Variants in GLIS3 observed in about 807,000 individuals in gnomAD.
The protein encoded by GLIS3 is GLIS family zinc finger 3, also known as zinc finger protein GLIS3.
Under a neutral mutation model 78.6 loss-of-function variants are expected in GLIS3, and 53 were observed. That is an observed-to-expected ratio of 0.67 (90% CI 0.54 to 0.85). GLIS3 has a LOEUF of 0.85. GLIS3 is among the 40% of genes least tolerant of loss of function. The pLI is 0.00. For missense variants in GLIS3, 1,703 were observed against 1,231.1 expected, an observed-to-expected ratio of 1.38 and a Z score of -5.74; for synonymous variants, 684 against 509.9, an observed-to-expected ratio of 1.34 and a Z score of -4.60.
At chr9:4,219,658 C>T (rs778769965) in intron 2 of GLIS3, among the ~76,000 whole-genome samples, 4 of 152,098 alleles carry the variant, frequency 2.6e-5, no homozygotes, top group African/African-American at 7.2e-5. Context: ...TTAGTTAAGG[C>T]GGTCACTATT....
chr9:4,355,553 C>T, the GLIS3 span, among the ~76,000 whole-genome samples: 2 of 152,134 alleles, frequency 1.3e-5, no homozygotes, highest in Non-Finnish European at 2.9e-5. Context: ...CTAGTGACAC[C>T]TCATAGCCCA....
chr9:3,834,052 C>T (rs1160172582), intron 9 of GLIS3, among the ~76,000 whole-genome samples: 1 of 152,184 alleles, frequency 6.6e-6, no homozygotes, highest in Non-Finnish European at 1.5e-5. Context: ...TATATACCCA[C>T]AAAACTGAAA....
At chr9:4,063,712 T>C (rs976898219) in intron 4 of GLIS3, among the ~76,000 whole-genome samples, 2 of 152,142 alleles carry the variant, frequency 1.3e-5, no homozygotes, top group African/African-American at 4.8e-5. Flanking sequence ...TTAGAAAGGA[T>C]TACCTAGAAC....
intron 4 of GLIS3, among the ~76,000 whole-genome samples, chr9:4,106,057 C>T (rs550310505): frequency 3.3e-5 from 5 of 152,186 alleles, no homozygotes; most frequent in East Asian, 1.9e-4. Flanking sequence ...CAGAAACAAA[C>T]GGCACCTGTC....
chr9:4,347,305 T>A (rs1817908859), intron 1 of GLIS3: 1 of 152,068 alleles, frequency 6.6e-6, no homozygotes, highest in Admixed American at 6.6e-5. Flanking sequence ...GGGAGGGCAT[T>A]AATCTACTCA....
chr9:4,261,556 CAGTAACAAAAATGA>C (rs1825530554), intron 2 of GLIS3, among the ~76,000 whole-genome samples: 1 of 152,028 alleles, frequency 6.6e-6, no homozygotes, highest in South Asian at 2.1e-4. Context: ...CTGAGAAGGC[CAGTAACAAAAATGA>C]AGTGACAATG....
At chr9:4,401,028 G>C in the GLIS3 span, among the ~76,000 whole-genome samples, 1 of 152,122 alleles carries the variant, frequency 6.6e-6, no homozygotes, top group African/African-American at 2.4e-5. Context: ...TTTGAGAAAA[G>C]CAGAGGGAAA....
chr9:4,363,626 C>A, the GLIS3 span, among the ~76,000 whole-genome samples: 1 of 152,196 alleles, frequency 6.6e-6, no homozygotes, highest in Non-Finnish European at 1.5e-5. Context: ...TGTTTCCTAG[C>A]ATCTGTGTAG....
chr9:4,058,500 G>A (rs1205060312), intron 4 of GLIS3, among the ~76,000 whole-genome samples: 2 of 149,798 alleles, frequency 1.3e-5, no homozygotes, highest in South Asian at 2.1e-4. Context: ...ATCTATTCCT[G>A]CATGTTATCT....
intron 7 of GLIS3, among the ~76,000 whole-genome samples, chr9:3,879,797 C>G (rs1821608321): frequency 6.6e-6 from 1 of 152,114 alleles, no homozygotes; most frequent in Non-Finnish European, 1.5e-5. Flanking sequence ...TCACGTCTGG[C>G]TCGCTTCAGG....
chr9:3,859,763 C>A (rs1206177404), intron 8 of GLIS3, among the ~76,000 whole-genome samples: 1 of 152,090 alleles, frequency 6.6e-6, no homozygotes, highest in East Asian at 1.9e-4. Context: ...TTTTATACTT[C>A]TTTGAAACAA....
intron 6 of GLIS3, among the ~76,000 whole-genome samples, chr9:3,917,993 G>C (rs1265335322): frequency 6.6e-6 from 1 of 152,208 alleles, no homozygotes; most frequent in Non-Finnish European, 1.5e-5. Context: ...ATAATTTCAG[G>C]TGGGGGTGGT....
intron 2 of GLIS3, among the ~76,000 whole-genome samples, chr9:4,335,551 G>A (rs914364841): frequency 2.0e-5 from 3 of 152,164 alleles, no homozygotes; most frequent in East Asian, 3.9e-4. Context: ...AGAATTCAGT[G>A]GTTCTGGTGT....
chr9:4,033,844 C>T (rs1199817992), intron 4 of GLIS3, among the ~76,000 whole-genome samples: 1 of 97,920 alleles, frequency 1.0e-5, no homozygotes. Context: ...TTAATTGCCC[C>T]CAAAAACATA....
At chr9:4,414,175 GATTA>G in the GLIS3 span, among the ~76,000 whole-genome samples, 12 of 152,162 alleles carry the variant, frequency 7.9e-5, no homozygotes, top group Admixed American at 2.0e-4. Context: ...GAGTCAAAAG[GATTA>G]AATACTCAAA....
the GLIS3 span, among the ~76,000 whole-genome samples, chr9:4,464,067 C>T: frequency 4.6e-5 from 7 of 152,066 alleles, no homozygotes; most frequent in African/African-American, 1.7e-4. Flanking sequence ...ATGTGGTACA[C>T]TGGCAAATCA....
chr9:3,828,207 T>C lies in GLIS3; in HGVS notation c.*65A>G. ...TCCTTCCTCAAGCAGTCTGTGAGAGTACGAAAACAAAAGGTGGCAAGCAAC... is the reference window on the plus strand; with the variant it reads ...TCCTTCCTCAAGCAGTCTGTGAGAGCACGAAAACAAAAGGTGGCAAGCAAC... On this transcript the variant is annotated 3_prime_UTR_variant, in exon 11 of 11. Transcript: ENST00000381971. 6.3e-7 allele frequency: 1 copy of C among 1,594,096 alleles called. No individual in the cohort carries two copies. Among genetic ancestry groups the C allele is most frequent in the Non-Finnish European group, 8.6e-7 (1 of 1,163,848 alleles).
chr9:3,936,645 G>C (rs748898791), intron 5 of GLIS3, among the ~76,000 whole-genome samples: 1 of 151,972 alleles, frequency 6.6e-6, no homozygotes, highest in Admixed American at 6.6e-5. Flanking sequence ...AACAAAAACT[G>C]CTTCATATTC....
At chr9:4,258,591 T>C (rs960962401) in intron 2 of GLIS3, among the ~76,000 whole-genome samples, 2 of 152,176 alleles carry the variant, frequency 1.3e-5, no homozygotes, top group African/African-American at 4.8e-5. Flanking sequence ...AATTCACATA[T>C]CTGGAAGATG....
Sources: gnomAD v4.1 joint callset for allele counts (sites outside exome capture counted in the v4.1 genomes callset) on GRCh38, gnomAD v4.1.1 for gene constraint, MANE v1.5 for transcripts, NCBI Gene and HGNC (gene_info 2026-07-23, HGNC 2026-07-21) for gene names.